NEDD9: variants seen among roughly 807,000 people sequenced by gnomAD.
NEDD9 encodes the protein neural precursor cell expressed, developmentally down-regulated 9, also known as enhancer of filamentation 1.
In NEDD9, 26 loss-of-function variants were observed where a neutral mutation model predicts 76.6. The ratio of observed to expected loss-of-function variants is 0.34; its 90% CI spans 0.25 to 0.47. The LOEUF is 0.47. Among genes scored for constraint, NEDD9 ranks in the 20% least tolerant of loss-of-function variants. The pLI, the probability that NEDD9 is intolerant of heterozygous loss-of-function variation, is 1.00. For synonymous variants in NEDD9, 392 were observed against 414.2 expected, an observed-to-expected ratio of 0.95 and a Z score of 0.65; for missense variants, 937 against 1,058.5, an observed-to-expected ratio of 0.89 and a Z score of 1.59.
intron 3 of NEDD9, among the ~76,000 whole-genome samples, chr6:11,292,396 T>TA (rs1390521955): frequency 6.6e-6 from 1 of 152,236 alleles, no homozygotes; most frequent in Non-Finnish European, 1.5e-5. Context: ...TTGTGACCCA[T>TA]AATCAAACCC....
intron 2 of NEDD9, among the ~76,000 whole-genome samples, chr6:11,201,937 T>C (rs760103475): frequency 7.2e-5 from 11 of 152,218 alleles, no homozygotes; most frequent in Non-Finnish European, 1.3e-4. Context: ...CAGTGGAGTT[T>C]ACCCATGAAT....
intron 3 of NEDD9, among the ~76,000 whole-genome samples, chr6:11,286,140 GAAT>G (rs1329340992): frequency 5.3e-5 from 8 of 152,078 alleles, no homozygotes; most frequent in Non-Finnish European, 1.2e-4. Context: ...TCTCATTACT[GAAT>G]AATAAGAAAA....
chr6:11,216,214 T>A (rs6917551), intron 1 of NEDD9, among the ~76,000 whole-genome samples: 135,709 of 152,236 alleles, frequency 0.89, 60,537 homozygotes, highest in East Asian at 1. Context: ...GCACAGCTTG[T>A]CAGTGCTGTT....
At chr6:11,338,749 C>T (rs992702569) in intron 1 of NEDD9, among the ~76,000 whole-genome samples, 1 of 151,866 alleles carries the variant, frequency 6.6e-6, no homozygotes, top group Non-Finnish European at 1.5e-5. Context: ...TGGTGAAACC[C>T]CATATCTACT....
At chr6:11,374,544 T>C (rs1762940916) in intron 1 of NEDD9, among the ~76,000 whole-genome samples, 1 of 152,226 alleles carries the variant, frequency 6.6e-6, no homozygotes, top group Non-Finnish European at 1.5e-5. Context: ...TTCAGAGTCA[T>C]GGAAACTAGT....
chr6:11,250,274 A>G (rs1315379163), intron 3 of NEDD9, among the ~76,000 whole-genome samples: 1 of 152,168 alleles, frequency 6.6e-6, no homozygotes, highest in Non-Finnish European at 1.5e-5. Flanking sequence ...TGAGAGTTAG[A>G]GCCCCCATGA....
At chr6:11,367,830 C>T (rs908397520) in intron 1 of NEDD9, among the ~76,000 whole-genome samples, 6 of 152,194 alleles carry the variant, frequency 3.9e-5, no homozygotes, top group African/African-American at 1.4e-4. Context: ...ATTGCTTAAA[C>T]CTAGCTACTA....
rs561950537 is a variant in NEDD9, at chr6:11,198,799, A to G, written c.460-5107T>C. ...GCAAGATGGCGTGAGGTCTGCCACT[A>G]CAGAATAAGCTTGGTTTCCAGGTAA... On this transcript the variant is annotated intron_variant, in intron 2 of 6. Transcript: ENST00000379446. The surrounding 1 kb of genome is among the most constrained non-coding windows in gnomAD (Gnocchi z 4.7). 3 of 152,414 alleles carry G rather than the reference A, an allele frequency of 2.0e-5. No homozygotes were observed. The highest frequency in any genetic ancestry group is 7.2e-5 in the African/African-American group (3 of 41,584). The allele number at this position is 152,414 out of a possible 1,614,324, so 9.4% of individuals were successfully genotyped here.
At chr6:11,308,020 G>C (rs1267371886) in intron 2 of NEDD9, among the ~76,000 whole-genome samples, 1 of 152,112 alleles carries the variant, frequency 6.6e-6, no homozygotes, top group African/African-American at 2.4e-5. Flanking sequence ...CAGGACATTG[G>C]GACTTCCTGT....
At chr6:11,247,547 C>A (rs557357748) in intron 3 of NEDD9, among the ~76,000 whole-genome samples, 54 of 152,292 alleles carry the variant, frequency 3.5e-4, no homozygotes, top group African/African-American at 1.3e-3. Context: ...AATTCCAGAA[C>A]TTTTTCATCA....
At chr6:11,233,321 G>T (rs771218327), upstream of NEDD9, 1 of 519,056 alleles carries the variant, frequency 1.9e-6, no homozygotes, top group Non-Finnish European at 3.8e-6. Context: ...ACGCACCAGC[G>T]TTTTCCTGGA....
At chr6:11,355,353 A>T (rs191655898) in intron 1 of NEDD9, among the ~76,000 whole-genome samples, 1,928 of 152,264 alleles carry the variant, frequency 0.013, 40 homozygotes, top group African/African-American at 0.044. Context: ...GAAAAATTTA[A>T]AAAAAAATTA....
intron 3 of NEDD9, among the ~76,000 whole-genome samples, chr6:11,290,637 C>T (rs985153563): frequency 1.3e-5 from 2 of 152,126 alleles, no homozygotes; most frequent in Non-Finnish European, 2.9e-5. Flanking sequence ...GGAAACAAAG[C>T]TCCAGCTGTA....
chr6:11,290,938 A>C (rs1760748869), intron 3 of NEDD9, among the ~76,000 whole-genome samples: 1 of 152,064 alleles, frequency 6.6e-6, no homozygotes, highest in Non-Finnish European at 1.5e-5. Flanking sequence ...GTGCCAGTGG[A>C]AGTGATGTAC....
At chr6:11,257,841 A>G (rs959889623) in intron 3 of NEDD9, among the ~76,000 whole-genome samples, 29 of 149,538 alleles carry the variant, frequency 1.9e-4, no homozygotes, top group African/African-American at 3.8e-4. Flanking sequence ...ATCTTGTCTC[A>G]TATCTTGTCT....
rs766874452 is a variant in NEDD9 at position 11,193,742 on chromosome 6, A to G, written c.460-50T>C. 13 of 1,310,744 alleles carry G rather than the reference A, an allele frequency of 9.9e-6. No individual in the cohort carries two copies. The Admixed American group carries it at 1.7e-4, about 17-fold the overall frequency. The allele number at this position is 1,310,744 out of a possible 1,614,324, so 81.2% of individuals were successfully genotyped here. A position where few individuals can be genotyped will look rare whatever the true frequency, so the allele number is the denominator to read the frequency against. On this transcript the variant is annotated intron_variant, in intron 2 of 6. Transcript: ENST00000379446. Reference sequence around the variant, plus strand: ...GTAAATTTCCAAGCCTGAGTCCTTGAATCTCCTTGCCTCCTAACTAAGCAC... The same window carrying G: ...GTAAATTTCCAAGCCTGAGTCCTTGGATCTCCTTGCCTCCTAACTAAGCAC...
At chr6:11,344,712 C>G (rs932226118) in intron 1 of NEDD9, among the ~76,000 whole-genome samples, 9 of 152,220 alleles carry the variant, frequency 5.9e-5, no homozygotes, top group Non-Finnish European at 1.2e-4. Context: ...CGCCTCTCCT[C>G]CTGTGTCCAT....
chr6:11,307,078 G>GT (rs1386339906), intron 2 of NEDD9, among the ~76,000 whole-genome samples: 2 of 152,230 alleles, frequency 1.3e-5, no homozygotes, highest in African/African-American at 2.4e-5. Flanking sequence ...TAAAAGGACA[G>GT]TGTTTTCCTA....
At chr6:11,226,597 C>T (rs947926104) in intron 1 of NEDD9, among the ~76,000 whole-genome samples, 4 of 150,526 alleles carry the variant, frequency 2.7e-5, no homozygotes, top group African/African-American at 9.8e-5. Flanking sequence ...CTGAACTTCT[C>T]ATGTACTCCC....
Sources: allele counts gnomAD v4.1 joint callset (sites outside exome capture counted in the v4.1 genomes callset), GRCh38; gene constraint gnomAD v4.1.1; non-coding constraint Gnocchi (gnomAD v3.1); transcripts MANE v1.5; gene names NCBI Gene and HGNC (gene_info 2026-07-23, HGNC 2026-07-21).